DNAAF9: variants seen among roughly 807,000 people sequenced by gnomAD.
The protein encoded by DNAAF9 is dynein axonemal assembly factor 9.
In DNAAF9, 90 loss-of-function variants were observed where a neutral mutation model predicts 167.0. That is an observed-to-expected ratio of 0.54 (90% CI 0.45 to 0.64). The LOEUF is 0.64. Ranked by LOEUF, DNAAF9 falls within the 30% of genes least tolerant of loss-of-function variation. The probability of loss-of-function intolerance (pLI) is 0.00; values close to 1 mark genes in which losing one functional copy is unlikely to be tolerated. For synonymous variants in DNAAF9, 491 were observed against 508.8 expected (o/e 0.96, Z 0.47); for missense variants, 1,315 against 1,442.2 (o/e 0.91, Z 1.43).
At chr20:3,331,402 C>T (rs1274369175) in intron 11 of DNAAF9, among the ~76,000 whole-genome samples, 1 of 152,108 alleles carries the variant, frequency 6.6e-6, no homozygotes, top group African/African-American at 2.4e-5. Flanking sequence ...GAATAAAATA[C>T]GGTTCCTGAC....
At chr20:3,361,316 G>T (rs1469728759) in intron 6 of DNAAF9, among the ~76,000 whole-genome samples, 1 of 152,154 alleles carries the variant, frequency 6.6e-6, no homozygotes, top group East Asian at 1.9e-4. Flanking sequence ...GGGAGTGGAG[G>T]AGTGTGGGGA....
rs559183942 is a variant in DNAAF9 at position 3,276,452 on chromosome 20, C to A, written c.2650+2460G>T. ...CTACACAAGCACAGAGTTTAACACA[C>A]ATTGTCTTTGCACAATGAGTTGGAA... On this transcript the variant is annotated intron_variant, in intron 29 of 36. Coordinates refer to ENST00000252032, the MANE Select transcript of DNAAF9 (RefSeq NM_001009984.3). Among the ~76,000 whole-genome samples, 21 of 152,340 alleles carry A rather than the reference C, an allele frequency of 1.4e-4. No homozygotes were observed. In the East Asian group the frequency reaches 4.1e-3, roughly 29 times the overall value.
Position 3,315,099 on chromosome 20 carries a change from T to C in DNAAF9, c.1612A>G (p.Thr538Ala), listed in dbSNP as rs1277902860. ...AVRGDESFLG[T>A]YLTGGEGAYL... ...GCTCCTTCTCCTCCTGTTAGATAAG[T>C]GCCCAGGAAAGACTCATCCCCCTTT... Residue 538 changes from threonine to alanine, a missense_variant, in exon 20 of 37, where the codon ACT becomes GCT. Around this residue, in one of 2 missense-constraint regions of DNAAF9, gnomAD observed 981 missense variants for 1,012.5 expected, o/e 0.97. Transcript: ENST00000252032. This position sits in a 1 kb window ranked among gnomAD's most constrained non-coding sequence, Gnocchi z 4.1. 1.9e-6 allele frequency: 3 copies of C among 1,609,602 alleles called. No homozygotes were observed. The South Asian group carries it at 3.3e-5, about 18-fold the overall frequency.
chr20:3,335,916 A>G (rs553898059), intron 10 of DNAAF9, among the ~76,000 whole-genome samples: 1 of 152,044 alleles, frequency 6.6e-6, no homozygotes, highest in East Asian at 1.9e-4. Flanking sequence ...TGAGGTCAGG[A>G]GTTCAAGACC....
chr20:3,313,430 G>A (rs562580185), intron 20 of DNAAF9, among the ~76,000 whole-genome samples: 2 of 152,186 alleles, frequency 1.3e-5, no homozygotes, highest in Non-Finnish European at 2.9e-5. Context: ...ATTTGCCACC[G>A]GATAGAATAT....
chr20:3,325,357 A>G (rs1381910118), intron 13 of DNAAF9, among the ~76,000 whole-genome samples: 3 of 152,224 alleles, frequency 2.0e-5, no homozygotes, highest in Admixed American at 6.5e-5. Flanking sequence ...GCCAGATGCT[A>G]AGAATATCCA....
chr20:3,315,185 A>G lies in DNAAF9; in HGVS notation c.1591-65T>C. ...TAGGTGATTTATAGCATAAATATTC[A>G]CAGAATCAAAAGTCCTGCCCAATTA... On this transcript the variant is annotated intron_variant, in intron 19 of 36. Coordinates refer to ENST00000252032, the MANE Select transcript of DNAAF9 (RefSeq NM_001009984.3). This position sits in a 1 kb window ranked among gnomAD's most constrained non-coding sequence, Gnocchi z 4.1. 1 of 1,005,938 alleles carries G rather than the reference A, an allele frequency of 9.9e-7. No homozygotes were observed. The highest frequency in any genetic ancestry group is 1.3e-5 in the South Asian group (1 of 78,070). The allele number at this position is 1,005,938 out of a possible 1,614,324, so 62.3% of individuals were successfully genotyped here. A position where few individuals can be genotyped will look rare whatever the true frequency, so the allele number is the denominator to read the frequency against.
rs745422328 is a variant in DNAAF9 at position 3,340,551 on chromosome 20, G to A, written c.934C>T (p.His312Tyr). ...AGNFNFPSEG[H>Y]LVRSTGPGGS... Reference sequence around the variant, plus strand: ...CCGGGACCAGTGCTTCGTACCAGATGTCCTTCAGAAGGGAAGTTAAAGTTG... The same window carrying A: ...CCGGGACCAGTGCTTCGTACCAGATATCCTTCAGAAGGGAAGTTAAAGTTG... Residue 312 changes from histidine (H) to tyrosine (Y), a missense_variant, in exon 10 of 37, where the codon CAT (histidine) becomes TAT (tyrosine). Physicochemically the swap from His to Tyr is moderately conservative, Grantham distance 83. This residue lies in a region of DNAAF9 where 981 missense variants were observed against 1,012.5 expected (regional missense o/e 0.97). Transcript: ENST00000252032. 4 of 1,610,586 alleles carry A rather than the reference G, an allele frequency of 2.5e-6. No homozygotes were observed. In the Admixed American group the frequency reaches 5.0e-5, roughly 20 times the overall value.
Position 3,264,540 on chromosome 20 carries a change from G to A in DNAAF9, c.2787-16C>T. The A allele has an allele frequency of 7.9e-7, 1 of 1,263,018 alleles. No individual in the cohort carries two copies. Among genetic ancestry groups the A allele is most frequent in the East Asian group, 2.3e-5 (1 of 43,330 alleles). 78.2% of individuals were successfully genotyped at this position (1,263,018 alleles called of 1,614,324 possible). A position where few individuals can be genotyped will look rare whatever the true frequency, so the allele number is the denominator to read the frequency against. ...GTCTTCATTCCTTTGAAAACACACA[G>A]AAAAGACCTAGATTAATTAGGACTG... On this transcript the variant is annotated splice_polypyrimidine_tract_variant and intron_variant, in intron 30 of 36. Coordinates refer to ENST00000252032, the MANE Select transcript of DNAAF9 (RefSeq NM_001009984.3).
At chr20:3,394,572 G>A (rs1050305891) in intron 1 of DNAAF9, among the ~76,000 whole-genome samples, 3 of 151,930 alleles carry the variant, frequency 2.0e-5, no homozygotes, top group Non-Finnish European at 4.4e-5. Flanking sequence ...ATATATGTTG[G>A]TTTATAAAAA....
intron 30 of DNAAF9, among the ~76,000 whole-genome samples, chr20:3,265,944 C>T (rs1290387699): frequency 2.6e-5 from 4 of 152,054 alleles, no homozygotes; most frequent in South Asian, 2.1e-4. Flanking sequence ...CCTCCTAAAG[C>T]GTTGGGATTA....
At chr20:3,378,491 A>G (rs6515806) in intron 3 of DNAAF9, among the ~76,000 whole-genome samples, 39,183 of 152,074 alleles carry the variant, frequency 0.26, 5,815 homozygotes, top group African/African-American at 0.4. Context: ...AAGAATGCAA[A>G]TAAACCTAGG....
intron 6 of DNAAF9, among the ~76,000 whole-genome samples, chr20:3,362,597 T>C (rs759142953): frequency 1.4e-4 from 21 of 152,190 alleles, no homozygotes; most frequent in Non-Finnish European, 2.2e-4. Flanking sequence ...TTGACATTTC[T>C]TTGTTCTGTG....
chr20:3,304,160 T>G (rs2069244944), intron 21 of DNAAF9, among the ~76,000 whole-genome samples: 1 of 152,206 alleles, frequency 6.6e-6, no homozygotes, highest in Admixed American at 6.5e-5. Context: ...TAGTCCTCTT[T>G]AGGGTGAATG....
intron 8 of DNAAF9, among the ~76,000 whole-genome samples, chr20:3,344,492 T>C (rs2070151528): frequency 1.3e-5 from 2 of 152,152 alleles, no homozygotes; most frequent in African/African-American, 4.8e-5. Flanking sequence ...ACATCATAGA[T>C]AATATATGAT....
chr20:3,259,565 A>G lies in DNAAF9; in HGVS notation c.2981-11T>C. ...TGGAGGACTGAATTGCTGGTGGAAG[A>G]AGAGGACAGCGCTGTCACCCACATG... On this transcript the variant is annotated splice_polypyrimidine_tract_variant and intron_variant, in intron 32 of 36. Coordinates refer to ENST00000252032, the MANE Select transcript of DNAAF9 (RefSeq NM_001009984.3). The G allele has an allele frequency of 6.3e-7, 1 of 1,595,518 alleles. No individual in the cohort carries two copies. Among genetic ancestry groups the G allele is most frequent in the Non-Finnish European group, 8.6e-7 (1 of 1,163,016 alleles).
chr20:3,359,659 T>G, intron 6 of DNAAF9, 66 bp from the exon 7 acceptor site: 2 of 1,156,872 alleles, frequency 1.7e-6, no homozygotes, highest in Non-Finnish European at 2.5e-6. Flanking sequence ...AGAATTATTT[T>G]CTGATGTTCA....
intron 12 of DNAAF9, 122 bp from the exon 13 acceptor site, chr20:3,326,406 A>C: frequency 1.5e-6 from 1 of 674,288 alleles, no homozygotes; most frequent in Non-Finnish European, 2.6e-6. Context: ...AAAGGCAAAA[A>C]TATAACCCAC....
chr20:3,315,090 T>A lies in DNAAF9; in HGVS notation c.1621A>T (p.Thr541Ser), dbSNP rs2069479920. 6.2e-7 allele frequency: 1 copy of A among 1,611,102 alleles called. No homozygotes were observed. Among genetic ancestry groups the A allele is most frequent in the African/African-American group, 1.3e-5 (1 of 74,982 alleles). ...TAAAGATATGCTCCTTCTCCTCCTG[T>A]TAGATAAGTGCCCAGGAAAGACTCA... Reference protein sequence around the residue: ...GDESFLGTYLTGGEGAYLYSS... With the variant: ...GDESFLGTYLSGGEGAYLYSS... Residue 541 changes from threonine to serine, a missense_variant, in exon 20 of 37, where the codon ACA becomes TCA. Thr to Ser is a moderately conservative substitution (Grantham distance 58, BLOSUM62 1). Around this residue, in one of 2 missense-constraint regions of DNAAF9, gnomAD observed 981 missense variants for 1,012.5 expected, o/e 0.97. Transcript: ENST00000252032. This position sits in a 1 kb window ranked among gnomAD's most constrained non-coding sequence, Gnocchi z 4.1.
Sources: gnomAD v4.1 joint callset for allele counts (sites outside exome capture counted in the v4.1 genomes callset) on GRCh38, gnomAD v4.1.1 for gene constraint, gnomAD v4.1.1 regional missense constraint, Gnocchi (gnomAD v3.1) non-coding constraint, MANE v1.5 for transcripts, NCBI Gene and HGNC (gene_info 2026-07-23, HGNC 2026-07-21) for gene names.